Variants in PCDHA5 observed in about 807,000 individuals in gnomAD.
The protein encoded by PCDHA5 is protocadherin alpha-5.
PCDHA5 carries 43 observed loss-of-function variants against 61.6 expected under a neutral mutation model. The ratio of observed to expected loss-of-function variants is 0.70; its 90% CI spans 0.55 to 0.90. The LOEUF is 0.90. PCDHA5 is among the 40% of genes least tolerant of loss of function. The pLI, the probability that PCDHA5 is intolerant of heterozygous loss-of-function variation, is 0.00. For synonymous variants in PCDHA5, 627 were observed against 543.9 expected (o/e 1.15, Z -2.13); for missense variants, 1,298 against 1,222.7 (o/e 1.06, Z -0.92).
chr5:140,966,068 T>G (rs188069959), intron 1 of PCDHA5: 1 of 153,298 alleles, frequency 6.5e-6, no homozygotes. Context: ...CGCCTCCCCC[T>G]GCGTTGTTTC....
At position 141,010,550 on chromosome 5, in the gene PCDHA5, ACCCC is replaced by A; in HGVS notation, c.*615_*618del. 6.3e-6 allele frequency: 2 copies of A among 316,712 alleles called. No homozygotes were observed. Among genetic ancestry groups the A allele is most frequent in the South Asian group, 1.1e-4 (2 of 17,516 alleles). The allele number at this position is 316,712 out of a possible 1,614,324, so 19.6% of individuals were successfully genotyped here. A position where few individuals can be genotyped will look rare whatever the true frequency, so the allele number is the denominator to read the frequency against. On this transcript the variant is annotated 3_prime_UTR_variant, in exon 4 of 4. Coordinates refer to ENST00000529859, the MANE Select transcript of PCDHA5 (RefSeq NM_018908.3). ...CAGCCACCCTCTAGGAGACAAAACT[ACCCC>A]CACTGACAAGGCTTTAGGAGACCCT...
In PCDHA5 at chr5:141,010,301, A is replaced by G. The variant is rs1232797660; in HGVS notation, c.*364A>G. On this transcript the variant is annotated 3_prime_UTR_variant, in exon 4 of 4. Coordinates refer to ENST00000529859, the MANE Select transcript of PCDHA5 (RefSeq NM_018908.3). ...TTGATGACACTTGCAGGGCAGGCTG[A>G]AAAGTTTTGAGATTGAGCAGCTTGG... 1 of 1,548,942 alleles carries G rather than the reference A, an allele frequency of 6.5e-7. No individual in the cohort carries two copies. Among genetic ancestry groups the G allele is most frequent in the African/African-American group, 1.4e-5 (1 of 72,848 alleles).
chr5:140,869,879 C>A (rs781975601), intron 1 of PCDHA5: 2 of 1,610,194 alleles, frequency 1.2e-6, no homozygotes, highest in Non-Finnish European at 1.7e-6. Flanking sequence ...GCTAAAGAAA[C>A]TCTTGTGCTC....
At chr5:140,835,552 C>T (rs2150238034) in intron 1 of PCDHA5, 8 of 1,613,942 alleles carry the variant, frequency 5.0e-6, no homozygotes, top group East Asian at 2.2e-5. Flanking sequence ...TGCTCCCTGA[C>T]GCCCCGCGTT....
chr5:140,929,272 T>C (rs560527071), intron 1 of PCDHA5: 1 of 1,607,152 alleles, frequency 6.2e-7, no homozygotes. Flanking sequence ...TTTGCCAATA[T>C]CCTGTATTCA....
intron 1 of PCDHA5, chr5:140,883,969 G>C: frequency 6.2e-7 from 1 of 1,612,962 alleles, no homozygotes; most frequent in Non-Finnish European, 8.5e-7. Context: ...CGCTGCTGAC[G>C]CCCGGGGCTG....
chr5:140,850,793 G>C (rs1232565289), intron 1 of PCDHA5: 2 of 1,598,464 alleles, frequency 1.3e-6, no homozygotes, highest in Non-Finnish European at 1.7e-6. Flanking sequence ...GTAAGCAGAA[G>C]ACCGACCTCA....
intron 1 of PCDHA5, among the ~76,000 whole-genome samples, chr5:140,831,711 T>C (rs1771678683): frequency 6.6e-6 from 1 of 152,072 alleles, no homozygotes; most frequent in East Asian, 1.9e-4. Context: ...TGATTAAGTG[T>C]GAGTTTTGGT....
intron 3 of PCDHA5, among the ~76,000 whole-genome samples, chr5:141,000,361 G>GTCTCTCTCTC (rs148596731): frequency 1.1e-4 from 3 of 26,446 alleles, no homozygotes; most frequent in East Asian, 1.6e-3. Context: ...GTCTCTCTCT[G>GTCTCTCTCTC]TCTCTCTCTC....
At chr5:140,841,846 T>C (rs2150323998) in intron 1 of PCDHA5, 5 of 1,613,898 alleles carry the variant, frequency 3.1e-6, no homozygotes, top group Non-Finnish European at 4.2e-6. Context: ...TTAGCTCTCA[T>C]GATTACTTCA....
chr5:140,871,002 G>C, intron 1 of PCDHA5: 1 of 1,613,384 alleles, frequency 6.2e-7, no homozygotes, highest in Non-Finnish European at 8.5e-7. Context: ...TAAGCACAAC[G>C]CGTGCCCTGG....
chr5:140,835,506 T>A (rs1261915665), intron 1 of PCDHA5: 2 of 1,613,822 alleles, frequency 1.2e-6, no homozygotes, highest in Non-Finnish European at 1.7e-6. Flanking sequence ...GATTAGCGTG[T>A]TTGACCGAGA....
intron 1 of PCDHA5, among the ~76,000 whole-genome samples, chr5:140,880,167 G>A (rs1363011800): frequency 2.0e-5 from 3 of 152,160 alleles, no homozygotes; most frequent in African/African-American, 7.2e-5. Context: ...TATGTTAGAA[G>A]TTAAACATGA....
chr5:140,965,821 C>T (rs782710036), intron 1 of PCDHA5, among the ~76,000 whole-genome samples: 9 of 152,150 alleles, frequency 5.9e-5, no homozygotes, highest in Non-Finnish European at 1.0e-4. Flanking sequence ...GCATTTTAAA[C>T]ATTTAAATAT....
chr5:140,848,504 C>T (rs1554142138), intron 1 of PCDHA5: 4 of 1,587,366 alleles, frequency 2.5e-6, no homozygotes, highest in African/African-American at 2.7e-5. Flanking sequence ...AAATGTTATA[C>T]TCAAGTCGAG....
At chr5:140,856,117 G>A in intron 1 of PCDHA5, 1 of 1,598,170 alleles carries the variant, frequency 6.3e-7, no homozygotes, top group East Asian at 2.2e-5. Context: ...TCGCAGCCTG[G>A]GAGGTGGGGA....
At chr5:140,897,667 A>G (rs2066254740) in intron 1 of PCDHA5, among the ~76,000 whole-genome samples, 1 of 152,134 alleles carries the variant, frequency 6.6e-6, no homozygotes, top group Non-Finnish European at 1.5e-5. Context: ...ATGTGTCTTT[A>G]TAGCAGCATG....
At chr5:140,969,821 T>C (rs1358078633) in intron 1 of PCDHA5, among the ~76,000 whole-genome samples, 3 of 152,250 alleles carry the variant, frequency 2.0e-5, no homozygotes, top group Non-Finnish European at 4.4e-5. Flanking sequence ...TACTCTGGAC[T>C]GTCTACAGTG....
intron 1 of PCDHA5, among the ~76,000 whole-genome samples, chr5:140,901,220 TC>T (rs1383510008): frequency 6.6e-6 from 1 of 152,200 alleles, no homozygotes; most frequent in Non-Finnish European, 1.5e-5. Context: ...GTTGATGTGA[TC>T]CCATATATCC....
Sources: allele counts gnomAD v4.1 joint callset (sites outside exome capture counted in the v4.1 genomes callset), GRCh38; gene constraint gnomAD v4.1.1; transcripts MANE v1.5; gene names NCBI Gene and HGNC (gene_info 2026-07-23, HGNC 2026-07-21).